Variants in FGD3 observed in about 807,000 individuals in gnomAD.
FGD3 encodes FYVE, RhoGEF and PH domain-containing protein 3.
A neutral mutation model predicts 71.8 loss-of-function variants in FGD3; 45 were observed. That is an observed-to-expected ratio of 0.63 (90% CI 0.49 to 0.80). The LOEUF is 0.80. Among genes scored for constraint, FGD3 ranks in the 30% least tolerant of loss-of-function variants. The pLI, the probability that FGD3 is intolerant of heterozygous loss-of-function variation, is 0.00. For synonymous variants in FGD3, 378 were observed against 392.8 expected (o/e 0.96, Z 0.44); for missense variants, 844 against 951.5 (o/e 0.89, Z 1.49).
chr9:92,982,642 A>C (rs1860040748), intron 3 of FGD3, among the ~76,000 whole-genome samples: 1 of 151,288 alleles, frequency 6.6e-6, no homozygotes, highest in Admixed American at 6.6e-5. Flanking sequence ...CCGTTCATGC[A>C]GTTCGCTCCT....
At chr9:92,989,265 G>T (rs1860306278) in intron 3 of FGD3, among the ~76,000 whole-genome samples, 1 of 151,944 alleles carries the variant, frequency 6.6e-6, no homozygotes, top group Non-Finnish European at 1.5e-5. Flanking sequence ...TAGCCAGGAT[G>T]GTCTTGATCT....
At chr9:92,995,811 C>T (rs1014860372) in intron 3 of FGD3, among the ~76,000 whole-genome samples, 1 of 152,196 alleles carries the variant, frequency 6.6e-6, no homozygotes, top group African/African-American at 2.4e-5. Flanking sequence ...AGCCTTGCAT[C>T]CCAGGGATGA....
Position 93,010,252 on chromosome 9 carries a change from G to T in FGD3, c.844G>T (p.Glu282Ter). 6.2e-7 allele frequency: 1 copy of T among 1,608,762 alleles called. No individual in the cohort carries two copies. Among genetic ancestry groups the T allele is most frequent in the Non-Finnish European group, 8.5e-7 (1 of 1,175,996 alleles). ...GCTCCCTCTGTCCCCACAGAAGCAG[G>T]AGGTATGCGGGAACCTGACGCTGCA... ...KDVVHSIQKQ[E>*]VCGNLTLQHH... is the part of the protein sequence containing the mutation. The change falls in exon 7 of 18, where the codon GAG becomes TAG. Residue 282 changes from glutamate to a stop codon, truncating the protein, a stop_gained. Coordinates refer to ENST00000375482, the MANE Select transcript of FGD3 (RefSeq NM_001083536.2). LOFTEE classifies it high-confidence loss of function.
intron 10 of FGD3, 50 bp from the exon 11 acceptor site, chr9:93,018,086 C>A (rs1172781100): frequency 1.9e-6 from 3 of 1,554,480 alleles, no homozygotes; most frequent in Non-Finnish European, 2.7e-6. Flanking sequence ...GAGGCTGGAG[C>A]TAAAATGACC....
intron 13 of FGD3, among the ~76,000 whole-genome samples, chr9:93,020,916 G>T (rs750490955): frequency 7.2e-5 from 11 of 152,238 alleles, no homozygotes; most frequent in Non-Finnish European, 1.3e-4. Context: ...TCAGCGCCCA[G>T]CTGGGCGGGA....
At chr9:92,948,779 C>T (rs576083893) in intron 1 of FGD3, among the ~76,000 whole-genome samples, 1 of 152,248 alleles carries the variant, frequency 6.6e-6, no homozygotes, top group African/African-American at 2.4e-5. Context: ...CATAGCTCTT[C>T]TTCCCAGGCC....
At chr9:92,953,284 T>C (rs926567239) in intron 1 of FGD3, among the ~76,000 whole-genome samples, 2 of 152,114 alleles carry the variant, frequency 1.3e-5, no homozygotes, top group African/African-American at 2.4e-5. Context: ...ACATCAGGGC[T>C]CTTTGTTAAG....
At chr9:93,007,283 G>A (rs1004664932) in intron 6 of FGD3, among the ~76,000 whole-genome samples, 1 of 151,188 alleles carries the variant, frequency 6.6e-6, no homozygotes, top group Non-Finnish European at 1.5e-5. Flanking sequence ...AGTAGAGACG[G>A]GGTTTCACCA....
At chr9:93,006,749 CAG>C (rs1335950975) in intron 6 of FGD3, among the ~76,000 whole-genome samples, 2 of 151,176 alleles carry the variant, frequency 1.3e-5, no homozygotes, top group East Asian at 3.9e-4. Context: ...TTTTTTGAGA[CAG>C]AGTCTCACTC....
At chr9:93,020,196 C>T in intron 12 of FGD3, 121 bp from the exon 13 acceptor site, 1 of 877,198 alleles carries the variant, frequency 1.1e-6, no homozygotes, top group Non-Finnish European at 1.7e-6. Context: ...TGGCCAGTGG[C>T]CTGGGCATTG....
In FGD3 at chr9:93,029,021, T is replaced by G. The variant is rs1010461534; in HGVS notation, c.1558-853T>G. On this transcript the variant is annotated intron_variant, in intron 14 of 17. Coordinates refer to ENST00000375482, the MANE Select transcript of FGD3 (RefSeq NM_001083536.2). ...TTTTTTTTTTTTTTTTTTTTTTTTT[T>G]TTTTTTTTTTTTTTTTGAGACAGAA... Among the ~76,000 whole-genome samples the G allele has an allele frequency of 7.3e-3, 951 of 130,476 alleles. 27 individuals are homozygous for G. Among genetic ancestry groups the G allele is most frequent in the African/African-American group, 0.024 (815 of 34,544 alleles). The allele number at this position is 130,476 out of a possible 152,430, so 85.6% of individuals were successfully genotyped here.
chr9:93,020,115 G>A (rs533882252), intron 12 of FGD3, among the ~76,000 whole-genome samples: 49 of 152,324 alleles, frequency 3.2e-4, no homozygotes, highest in African/African-American at 1.1e-3. Flanking sequence ...CAGGTTCCCC[G>A]CTCAGGGTGG....
intron 1 of FGD3, among the ~76,000 whole-genome samples, chr9:92,968,996 G>C (rs1859436843): frequency 6.6e-6 from 1 of 152,200 alleles, no homozygotes; most frequent in African/African-American, 2.4e-5. Context: ...GGCCTCAGTG[G>C]GTTTGGGACC....
chr9:92,959,160 C>T (rs1013233730), intron 1 of FGD3, among the ~76,000 whole-genome samples: 1 of 151,990 alleles, frequency 6.6e-6, no homozygotes, highest in African/African-American at 2.4e-5. Context: ...GGGGTTTCAC[C>T]GTGCTGCCCA....
intron 3 of FGD3, among the ~76,000 whole-genome samples, chr9:92,999,512 C>A (rs1413235730): frequency 6.6e-6 from 1 of 151,782 alleles, no homozygotes; most frequent in Non-Finnish European, 1.5e-5. Flanking sequence ...ATCGGAAATG[C>A]AGAAATCATC....
intron 5 of FGD3, among the ~76,000 whole-genome samples, chr9:93,004,851 CA>C (rs1480175494): frequency 6.6e-6 from 1 of 152,130 alleles, no homozygotes; most frequent in Non-Finnish European, 1.5e-5. Context: ...AATGGGAGGC[CA>C]GGGGGAGTCC....
At chr9:92,974,277 T>TAAAA (rs1859641713) in intron 1 of FGD3, among the ~76,000 whole-genome samples, 2 of 152,246 alleles carry the variant, frequency 1.3e-5, no homozygotes, top group African/African-American at 2.4e-5. Flanking sequence ...TGCTCTGCCA[T>TAAAA]GTTTGACCTC....
intron 1 of FGD3, among the ~76,000 whole-genome samples, chr9:92,964,802 C>G (rs1466616509): frequency 6.6e-6 from 1 of 152,174 alleles, no homozygotes; most frequent in Non-Finnish European, 1.5e-5. Context: ...GCCAGCCCCT[C>G]TCATGTCACC....
chr9:93,034,306 C>T, intron 16 of FGD3: 2 of 479,716 alleles, frequency 4.2e-6, no homozygotes, highest in Admixed American at 4.0e-5. Flanking sequence ...GATGCCCTCC[C>T]CTTGGAGGGC....
Sources: allele counts gnomAD v4.1 joint callset (sites outside exome capture counted in the v4.1 genomes callset), GRCh38; gene constraint gnomAD v4.1.1; transcripts MANE v1.5; gene names NCBI Gene and HGNC (gene_info 2026-07-23, HGNC 2026-07-21).